Variants in PPM1H observed in about 807,000 individuals in gnomAD.
PPM1H encodes protein phosphatase, Mg2+/Mn2+ dependent 1H, also known as protein phosphatase 1H.
Under a neutral mutation model 54.9 loss-of-function variants are expected in PPM1H, and 27 were observed. That is an observed-to-expected ratio of 0.49 (90% CI 0.36 to 0.68). The LOEUF (loss-of-function observed/expected upper bound fraction) is 0.68, where lower values mean the gene tolerates loss of function less well. Among genes scored for constraint, PPM1H ranks in the 30% least tolerant of loss-of-function variants. The pLI is 0.00. For synonymous variants in PPM1H, 305 were observed against 270.8 expected (o/e 1.13, Z -1.24); for missense variants, 596 against 667.8 (o/e 0.89, Z 1.19).
chr12:62,762,603 C>T (rs959579188), intron 4 of PPM1H, among the ~76,000 whole-genome samples: 1 of 152,164 alleles, frequency 6.6e-6, no homozygotes, highest in Admixed American at 6.5e-5. Flanking sequence ...GGGGAGGATG[C>T]TAAGTGAAGA....
chr12:62,842,999 T>A (rs1868811611), intron 1 of PPM1H, among the ~76,000 whole-genome samples: 1 of 152,170 alleles, frequency 6.6e-6, no homozygotes, highest in African/African-American at 2.4e-5. Flanking sequence ...GCTGTCTGAC[T>A]GTTGTAAAAA....
chr12:62,824,069 A>G (rs1165470918), intron 2 of PPM1H, among the ~76,000 whole-genome samples: 1 of 150,864 alleles, frequency 6.6e-6, no homozygotes, highest in Non-Finnish European at 1.5e-5. Flanking sequence ...ATACAAAATC[A>G]ATGTACAAAA....
At chr12:62,928,050 A>G (rs1565831913) in intron 1 of PPM1H, among the ~76,000 whole-genome samples, 2 of 152,240 alleles carry the variant, frequency 1.3e-5, no homozygotes, top group African/African-American at 4.8e-5. Flanking sequence ...GTTACTTTGA[A>G]CAAATAACTT....
At chr12:62,842,322 AT>A (rs59253782) in intron 1 of PPM1H, among the ~76,000 whole-genome samples, 10,426 of 152,186 alleles carry the variant, frequency 0.069, 560 homozygotes, top group African/African-American at 0.15. Context: ...AATGTGAGAA[AT>A]TTTTTTAAAC....
chr12:62,793,027 A>G (rs962846657), intron 3 of PPM1H, among the ~76,000 whole-genome samples: 1 of 152,228 alleles, frequency 6.6e-6, no homozygotes, highest in African/African-American at 2.4e-5. Flanking sequence ...TATTTTTACA[A>G]AAATCAATGA....
intron 1 of PPM1H, among the ~76,000 whole-genome samples, chr12:62,907,856 A>T (rs1189952939): frequency 6.6e-6 from 1 of 152,140 alleles, no homozygotes; most frequent in Non-Finnish European, 1.5e-5. Flanking sequence ...CAGAAAGAGT[A>T]CCCTTCTCCC....
chr12:62,873,654 G>C (rs1870063481), intron 1 of PPM1H, among the ~76,000 whole-genome samples: 1 of 152,154 alleles, frequency 6.6e-6, no homozygotes, highest in Non-Finnish European at 1.5e-5. Context: ...CATTTGGTGA[G>C]AGGACTCGCA....
At chr12:62,927,381 C>T (rs530790446) in intron 1 of PPM1H, among the ~76,000 whole-genome samples, 82 of 152,140 alleles carry the variant, frequency 5.4e-4, no homozygotes, top group African/African-American at 1.6e-3. Context: ...TGTTGGAGGC[C>T]GGGTGCGGTG....
chr12:62,800,988 T>A (rs534895399), intron 3 of PPM1H, among the ~76,000 whole-genome samples: 1 of 152,340 alleles, frequency 6.6e-6, no homozygotes, highest in African/African-American at 2.4e-5. Context: ...CAAATCCACA[T>A]GCCTGGGTAA....
chr12:62,873,344 T>C (rs1296240253), intron 1 of PPM1H, among the ~76,000 whole-genome samples: 1 of 152,248 alleles, frequency 6.6e-6, no homozygotes, highest in Non-Finnish European at 1.5e-5. Flanking sequence ...TGTGCTAGCC[T>C]AGTTCCAGAT....
intron 1 of PPM1H, among the ~76,000 whole-genome samples, chr12:62,913,309 A>G (rs1437318901): frequency 6.6e-6 from 1 of 152,204 alleles, no homozygotes; most frequent in Non-Finnish European, 1.5e-5. Flanking sequence ...GAGAGTGAGC[A>G]GCGACAATTA....
At chr12:62,887,000 A>G (rs1380484341) in intron 1 of PPM1H, among the ~76,000 whole-genome samples, 2 of 152,226 alleles carry the variant, frequency 1.3e-5, no homozygotes, top group Non-Finnish European at 2.9e-5. Context: ...ATGAGGAAGC[A>G]CTGCTGTACA....
At chr12:62,680,224 TTCTC>T (rs199790963) in intron 8 of PPM1H, among the ~76,000 whole-genome samples, 7 of 150,940 alleles carry the variant, frequency 4.6e-5, no homozygotes, top group East Asian at 2.0e-4. Context: ...CTTTCTCCCT[TTCTC>T]TCTCTCTCTC....
intron 4 of PPM1H, 38 bp downstream of exon 4, chr12:62,788,188 T>G: frequency 7.6e-7 from 1 of 1,310,156 alleles, no homozygotes; most frequent in Non-Finnish European, 1.1e-6. Context: ...TCAGAAGGCA[T>G]TAGAAATTAG....
intron 1 of PPM1H, among the ~76,000 whole-genome samples, chr12:62,838,338 T>TGTC (rs375217752): frequency 1.1e-5 from 1 of 93,282 alleles, no homozygotes; most frequent in Non-Finnish European, 2.1e-5. Flanking sequence ...TGTGTGTGTG[T>TGTC]GGGGGGGGGG....
At chr12:62,678,094 A>C (rs1189809397) in intron 8 of PPM1H, among the ~76,000 whole-genome samples, 1 of 152,090 alleles carries the variant, frequency 6.6e-6, no homozygotes, top group Non-Finnish European at 1.5e-5. Context: ...CCACAGGTGC[A>C]CACTACCATG....
intron 1 of PPM1H, among the ~76,000 whole-genome samples, chr12:62,913,285 G>T (rs1871514345): frequency 6.6e-6 from 1 of 152,186 alleles, no homozygotes; most frequent in Non-Finnish European, 1.5e-5. Flanking sequence ...CAGGATAAAA[G>T]ACTTCGTGGA....
intron 3 of PPM1H, among the ~76,000 whole-genome samples, chr12:62,797,338 G>C (rs1447901171): frequency 6.6e-6 from 1 of 152,200 alleles, no homozygotes; most frequent in Non-Finnish European, 1.5e-5. Flanking sequence ...GGGATTAAAA[G>C]TGGAAGAGAA....
intron 2 of PPM1H, among the ~76,000 whole-genome samples, chr12:62,809,938 T>C (rs1175394195): frequency 2.6e-5 from 4 of 152,054 alleles, no homozygotes; most frequent in African/African-American, 9.7e-5. Flanking sequence ...ATCCTTCGGT[T>C]TTTGGTGGAA....
Sources: gnomAD v4.1 joint callset for allele counts (sites outside exome capture counted in the v4.1 genomes callset) on GRCh38, gnomAD v4.1.1 for gene constraint, MANE v1.5 for transcripts, NCBI Gene and HGNC (gene_info 2026-07-23, HGNC 2026-07-21) for gene names.